Variants in GABRB1 observed in about 807,000 individuals in gnomAD.
GABRB1 encodes the protein gamma-aminobutyric acid type A receptor subunit beta1, also known as gamma-aminobutyric acid receptor subunit beta-1.
Under a neutral mutation model 51.6 loss-of-function variants are expected in GABRB1, and 17 were observed. The observed-to-expected ratio is 0.33, with a 90% CI of 0.23 to 0.49. The LOEUF is 0.49. GABRB1 is among the 20% of genes least tolerant of loss of function. The pLI is 0.99. For missense variants in GABRB1, 410 were observed against 600.6 expected (o/e 0.68, Z 3.32); for synonymous variants, 247 against 218.9 (o/e 1.13, Z -1.14).
intron 1 of GABRB1, among the ~76,000 whole-genome samples, chr4:47,024,572 A>T (rs974318762): frequency 2.6e-5 from 4 of 151,838 alleles, no homozygotes; most frequent in South Asian, 2.1e-4. Context: ...TTTTATTTTT[A>T]AAATTTTTTA....
rs548653595 is a variant in GABRB1, at chr4:47,213,506, C to T, written c.461+52037C>T. ...ACACTCTCGCTTTCTCTTCATCTCC[C>T]CCTCCTCGTTTCCCTCTCATTTTTT... On this transcript the variant is annotated intron_variant, in intron 4 of 8. Transcript: ENST00000295454. 2.6e-5 allele frequency among the ~76,000 whole-genome samples: 4 copies of T among 152,000 alleles called. No individual in the cohort carries two copies. In the South Asian group the frequency reaches 8.3e-4, roughly 32 times the overall value.
rs1578096582 is a variant in GABRB1, at chr4:47,326,819, A to T, written c.544+6610A>T. On this transcript the variant is annotated intron_variant, in intron 5 of 8. Coordinates refer to ENST00000295454, the MANE Select transcript of GABRB1 (RefSeq NM_000812.4). ...AATGGCTGTTATTCATAAATTACCC[A>T]GTTTACGGCATTTTGTCATAGCAAT... 2.0e-5 allele frequency among the ~76,000 whole-genome samples: 3 copies of T among 152,280 alleles called. No individual in the cohort carries two copies. The South Asian group carries it at 6.2e-4, about 32-fold the overall frequency.
intron 5 of GABRB1, among the ~76,000 whole-genome samples, chr4:47,357,615 T>C (rs1726634879): frequency 6.6e-6 from 1 of 152,224 alleles, no homozygotes; most frequent in Non-Finnish European, 1.5e-5. Flanking sequence ...GAGAATGTGC[T>C]GGTACAAGAG....
At chr4:47,368,453 T>C (rs866505317) in intron 5 of GABRB1, among the ~76,000 whole-genome samples, 1 of 152,064 alleles carries the variant, frequency 6.6e-6, no homozygotes, top group Non-Finnish European at 1.5e-5. Flanking sequence ...GCTACTGGCA[T>C]TGAGTGGGTA....
chr4:47,329,738 A>G (rs1415896997), intron 5 of GABRB1, among the ~76,000 whole-genome samples: 1 of 149,490 alleles, frequency 6.7e-6, no homozygotes, highest in Admixed American at 6.7e-5. Context: ...CAATACCACT[A>G]CATATATAAT....
chr4:47,205,270 G>T (rs1195212029), intron 4 of GABRB1, among the ~76,000 whole-genome samples: 2 of 152,138 alleles, frequency 1.3e-5, no homozygotes, highest in East Asian at 3.8e-4. Context: ...ATGGAATAAA[G>T]AGAAAATGTA....
chr4:47,219,813 T>A (rs1481952816), intron 4 of GABRB1, among the ~76,000 whole-genome samples: 1 of 151,934 alleles, frequency 6.6e-6, no homozygotes, highest in Non-Finnish European at 1.5e-5. Context: ...TGTTTATTTC[T>A]TTACTTCCTG....
At chr4:47,244,585 T>C (rs898839865) in intron 4 of GABRB1, among the ~76,000 whole-genome samples, 4 of 152,148 alleles carry the variant, frequency 2.6e-5, no homozygotes, top group African/African-American at 9.7e-5. Context: ...TATTCAGGGA[T>C]TCAACTTCTT....
At chr4:47,312,908 G>T (rs1319661661) in intron 4 of GABRB1, among the ~76,000 whole-genome samples, 3 of 152,092 alleles carry the variant, frequency 2.0e-5, no homozygotes, top group African/African-American at 2.4e-5. Flanking sequence ...ATGGGCCAGG[G>T]CTTTTGGATT....
At chr4:47,241,468 T>G (rs559855917) in intron 4 of GABRB1, among the ~76,000 whole-genome samples, 1 of 152,328 alleles carries the variant, frequency 6.6e-6, no homozygotes, top group Non-Finnish European at 1.5e-5. Flanking sequence ...TGGCACACCA[T>G]AGACATGTTC....
chr4:47,149,963 T>A (rs1717352616), intron 3 of GABRB1, among the ~76,000 whole-genome samples: 1 of 151,972 alleles, frequency 6.6e-6, no homozygotes, highest in Non-Finnish European at 1.5e-5. Flanking sequence ...ATATGGATAT[T>A]ATGTGGCTCT....
intron 4 of GABRB1, among the ~76,000 whole-genome samples, chr4:47,277,758 C>G (rs1723142205): frequency 6.6e-6 from 1 of 151,828 alleles, no homozygotes; most frequent in Non-Finnish European, 1.5e-5. Context: ...GCAGGTATTT[C>G]AAAATTTTAT....
At position 47,198,108 on chromosome 4, in the gene GABRB1, C is replaced by T. The variant is rs577622441; in HGVS notation, c.461+36639C>T. On this transcript the variant is annotated intron_variant, in intron 4 of 8. Transcript: ENST00000295454. ...ATGTTCAAGGAAGTGCTCCATAAAC[C>T]GATATCTCTACTAATAAACTGCAGG... 3.1e-4 allele frequency among the ~76,000 whole-genome samples: 47 copies of T among 152,218 alleles called. 1 individual carries two copies. Among genetic ancestry groups the T allele is most frequent in the East Asian group, 1.9e-4 (1 of 5,166 alleles).
chr4:47,426,106 T>C lies in GABRB1; in HGVS notation c.*88T>C, dbSNP rs1729285199. On this transcript the variant is annotated 3_prime_UTR_variant, in exon 9 of 9. Coordinates refer to ENST00000295454, the MANE Select transcript of GABRB1 (RefSeq NM_000812.4). ...TCCCCAACAGCGATACTGCTGTTTC[T>C]CGAGGTAAGAGATTCAGCCATCCAA... The C allele has an allele frequency of 9.3e-7, 1 of 1,080,696 alleles. No individual in the cohort carries two copies. Among genetic ancestry groups the C allele is most frequent in the East Asian group, 2.4e-5 (1 of 41,066 alleles). The allele number at this position is 1,080,696 out of a possible 1,614,324, so 66.9% of individuals were successfully genotyped here.
At chr4:47,140,857 T>C (rs530924712) in intron 3 of GABRB1, among the ~76,000 whole-genome samples, 36 of 151,982 alleles carry the variant, frequency 2.4e-4, no homozygotes, top group African/African-American at 8.7e-4. Flanking sequence ...ATATGTGATG[T>C]TTAAAATACT....
At chr4:47,299,273 A>C (rs1247605518) in intron 4 of GABRB1, among the ~76,000 whole-genome samples, 1 of 152,142 alleles carries the variant, frequency 6.6e-6, no homozygotes, top group Non-Finnish European at 1.5e-5. Context: ...TCTGCACAGC[A>C]AAAGAAACTA....
At chr4:47,206,171 A>T (rs1163784434) in intron 4 of GABRB1, among the ~76,000 whole-genome samples, 2 of 152,008 alleles carry the variant, frequency 1.3e-5, no homozygotes, top group African/African-American at 4.8e-5. Flanking sequence ...CTGGTGGAAA[A>T]ACATAGTTAT....
intron 4 of GABRB1, among the ~76,000 whole-genome samples, chr4:47,167,140 G>A (rs989854238): frequency 6.6e-6 from 1 of 152,016 alleles, no homozygotes; most frequent in South Asian, 2.1e-4. Context: ...AAAATTGTAG[G>A]ATGCAGTCAC....
intron 3 of GABRB1, among the ~76,000 whole-genome samples, chr4:47,150,377 CACAG>C (rs1272847587): frequency 1.0e-4 from 15 of 148,968 alleles, no homozygotes; most frequent in Admixed American, 2.7e-4. Context: ...CATACACACA[CACAG>C]AGAGAGAGAG....
Sources: allele counts gnomAD v4.1 joint callset (sites outside exome capture counted in the v4.1 genomes callset), GRCh38; gene constraint gnomAD v4.1.1; transcripts MANE v1.5; gene names NCBI Gene and HGNC (gene_info 2026-07-23, HGNC 2026-07-21).